Variants in SPINK5 observed in about 807,000 individuals in gnomAD.
SPINK5 encodes serine protease inhibitor Kazal-type 5.
A neutral mutation model predicts 151.8 loss-of-function variants in SPINK5; 125 were observed. That is an observed-to-expected ratio of 0.82 (90% CI 0.71 to 0.96). The LOEUF (loss-of-function observed/expected upper bound fraction) is 0.96. Among genes scored for constraint, SPINK5 ranks in the 40% least tolerant of loss-of-function variants. The pLI is 0.00. For missense variants in SPINK5, 1,194 were observed against 1,291.9 expected (o/e 0.92, Z 1.16); for synonymous variants, 374 against 395.3 (o/e 0.95, Z 0.64).
chr5:148,132,751 T>C (rs1581114929), intron 31 of SPINK5, among the ~76,000 whole-genome samples: 1 of 152,146 alleles, frequency 6.6e-6, no homozygotes, highest in Non-Finnish European at 1.5e-5. Context: ...ATTCCTTAGA[T>C]AATATGAAGA....
At chr5:148,123,441 C>CTATA (rs1416361269) in intron 26 of SPINK5, among the ~76,000 whole-genome samples, 18 of 65,396 alleles carry the variant, frequency 2.8e-4, no homozygotes, top group Admixed American at 7.9e-4. Flanking sequence ...TATTATCTAT[C>CTATA]TATCTATATA....
intron 16 of SPINK5, 125 bp from the exon 17 acceptor site, chr5:148,106,912 A>T: frequency 4.0e-6 from 5 of 1,238,102 alleles, no homozygotes; most frequent in Non-Finnish European, 4.5e-6. Flanking sequence ...ATACTTACTG[A>T]TTTACTACTA....
intron 18 of SPINK5, 41 bp downstream of exon 18, chr5:148,108,878 G>A (rs760839317): frequency 1.2e-6 from 2 of 1,607,644 alleles, no homozygotes; most frequent in South Asian, 1.1e-5. Flanking sequence ...AATATTCAAC[G>A]ATCACTCTCC....
At chr5:148,111,986 GAGAT>G in intron 19 of SPINK5, 91 bp downstream of exon 19, 1 of 1,591,030 alleles carries the variant, frequency 6.3e-7, no homozygotes, top group Non-Finnish European at 8.6e-7. Flanking sequence ...TTTTCTCCAG[GAGAT>G]AGATAATAAA....
intron 26 of SPINK5, among the ~76,000 whole-genome samples, chr5:148,121,650 T>TA (rs922630510): frequency 4.9e-4 from 50 of 102,996 alleles, no homozygotes; most frequent in Non-Finnish European, 8.6e-4. Context: ...AAATACTGAG[T>TA]AAAAAAAAAA....
At chr5:148,065,545 TCA>T (rs3036741) in intron 2 of SPINK5, 173 bp downstream of exon 2, 4,849 of 603,020 alleles carry the variant, frequency 8.0e-3, no homozygotes, top group Non-Finnish European at 0.011. Context: ...AGCCTCTCTC[TCA>T]CACACACACA....
At chr5:148,135,497 G>A (rs1754675913) in intron 32 of SPINK5, among the ~76,000 whole-genome samples, 1 of 152,162 alleles carries the variant, frequency 6.6e-6, no homozygotes, top group African/African-American at 2.4e-5. Context: ...AAAGAGTGCC[G>A]TTCTTCCATT....
Position 148,112,821 on chromosome 5 carries a change from T to C in SPINK5, c.1821-47T>C, listed in dbSNP as rs72660259. 1.4e-5 allele frequency: 22 copies of C among 1,611,626 alleles called. No homozygotes were observed. The Admixed American group carries it at 3.5e-4, about 26-fold the overall frequency. On this transcript the variant is annotated intron_variant, in intron 19 of 32. Transcript: ENST00000256084. The stretch of plus-strand genomic sequence containing the variant: ...GAGACATTTCTCCTTTAGGGTAGTA[T>C]GTATTGGGTGCTAGGAATGATTGTT...
At chr5:148,131,569 A>AG (rs1443009703) in intron 31 of SPINK5, among the ~76,000 whole-genome samples, 180 bp downstream of exon 31, 2 of 152,222 alleles carry the variant, frequency 1.3e-5, no homozygotes, top group Non-Finnish European at 2.9e-5. Context: ...AAAAGATTTA[A>AG]GGCTATTCCT....
intron 26 of SPINK5, among the ~76,000 whole-genome samples, chr5:148,120,797 A>G (rs1489477531): frequency 1.3e-5 from 2 of 152,138 alleles, no homozygotes; most frequent in Non-Finnish European, 2.9e-5. Context: ...TTTTAAACAA[A>G]TAAATATCAA....
intron 9 of SPINK5, among the ~76,000 whole-genome samples, chr5:148,094,920 C>T (rs532627723): frequency 6.6e-6 from 1 of 152,042 alleles, no homozygotes; most frequent in African/African-American, 2.4e-5. Context: ...TTATCTGGGA[C>T]ATATGACCTT....
intron 4 of SPINK5, among the ~76,000 whole-genome samples, chr5:148,085,424 T>C (rs1753127150): frequency 6.6e-6 from 1 of 151,978 alleles, no homozygotes; most frequent in African/African-American, 2.4e-5. Flanking sequence ...AGGTAAAAGT[T>C]AAAGTCAAGT....
intron 4 of SPINK5, among the ~76,000 whole-genome samples, chr5:148,077,637 G>GTATATATATATATATATATATATATATA (rs71001472): frequency 3.0e-4 from 41 of 135,032 alleles, no homozygotes; most frequent in African/African-American, 1.1e-3. Flanking sequence ...GTTTTATCAG[G>GTATATATATATATATATATATATATATA]TATATATATA....
rs766487151 is a variant in SPINK5 at position 148,120,407 on chromosome 5, C to T, written c.2538+16C>T. The T allele has an allele frequency of 6.3e-6, 10 of 1,581,908 alleles. No individual in the cohort carries two copies. The South Asian group carries it at 6.9e-5, about 11-fold the overall frequency. On this transcript the variant is annotated intron_variant, in intron 26 of 32. Transcript: ENST00000256084. ...TGACAAAGAGGTAATAGATGTTAGA[C>T]ACGCTAATACCTGAATTCAGTTAGT...
chr5:148,069,221 G>A (rs773016756), intron 2 of SPINK5, among the ~76,000 whole-genome samples: 2 of 151,926 alleles, frequency 1.3e-5, no homozygotes, highest in South Asian at 4.2e-4. Flanking sequence ...AATGAGTGAT[G>A]TATAGCAGGA....
intron 4 of SPINK5, among the ~76,000 whole-genome samples, chr5:148,073,814 T>TCA (rs67549762): frequency 0.032 from 3,632 of 113,758 alleles, 78 homozygotes; most frequent in African/African-American, 0.054. Context: ...TATGCCTGAG[T>TCA]CACACACACA....
At chr5:148,095,267 T>C (rs1753424621) in intron 9 of SPINK5, among the ~76,000 whole-genome samples, 1 of 151,920 alleles carries the variant, frequency 6.6e-6, no homozygotes. Flanking sequence ...TCTACCAGCC[T>C]CAAGAACTAC....
chr5:148,080,712 A>G (rs141096406), intron 4 of SPINK5, among the ~76,000 whole-genome samples: 35 of 151,688 alleles, frequency 2.3e-4, no homozygotes, highest in African/African-American at 6.7e-4. Flanking sequence ...ATAGGAGGAA[A>G]AAAATTCATG....
At chr5:148,101,060 T>C (rs1469392333) in intron 13 of SPINK5, among the ~76,000 whole-genome samples, 2 of 152,026 alleles carry the variant, frequency 1.3e-5, no homozygotes, top group African/African-American at 4.8e-5. Flanking sequence ...TAATGAGCAT[T>C]GGAAATTTAG....
Sources: allele counts gnomAD v4.1 joint callset (sites outside exome capture counted in the v4.1 genomes callset), GRCh38; gene constraint gnomAD v4.1.1; transcripts MANE v1.5; gene names NCBI Gene and HGNC (gene_info 2026-07-23, HGNC 2026-07-21).